Variants in VPS13A observed in about 807,000 individuals in gnomAD.
VPS13A encodes intermembrane lipid transfer protein VPS13A.
In VPS13A, 264 loss-of-function variants were observed where a neutral mutation model predicts 390.9. That is an observed-to-expected ratio of 0.68 (90% CI 0.61 to 0.75). VPS13A has a LOEUF of 0.75. VPS13A is among the 30% of genes least tolerant of loss of function. VPS13A has a pLI of 0.00. For synonymous variants in VPS13A, 1,231 were observed against 1,227.1 expected (o/e 1.00, Z -0.07); for missense variants, 3,409 against 3,733.9 (o/e 0.91, Z 2.27).
At chr9:77,407,702 GTTTT>G in intron 71 of VPS13A, 95 bp downstream of exon 71, 1 of 977,382 alleles carries the variant, frequency 1.0e-6, no homozygotes, top group Non-Finnish European at 1.6e-6. Context: ...TTGTTTGGGG[GTTTT>G]TGTTTGTTTG....
chr9:77,207,071 A>G (rs1162054550), intron 5 of VPS13A, among the ~76,000 whole-genome samples: 1 of 148,810 alleles, frequency 6.7e-6, no homozygotes, highest in African/African-American at 2.4e-5. Flanking sequence ...TTTTATCAAG[A>G]TAATATATAT....
At chr9:77,230,443 A>G (rs1274549804) in intron 17 of VPS13A, among the ~76,000 whole-genome samples, 1 of 152,036 alleles carries the variant, frequency 6.6e-6, no homozygotes, top group Non-Finnish European at 1.5e-5. Context: ...ATTCTTTTTC[A>G]TGAGATTATT....
At position 77,220,050 on chromosome 9, in the gene VPS13A, A is replaced by G. The variant is rs767046412; in HGVS notation, c.851A>G (p.His284Arg). The change falls in exon 11 of 72, where the codon CAT becomes CGT. Residue 284 changes from histidine (H) to arginine (R), a missense_variant. Physicochemically the swap from His to Arg is conservative, Grantham distance 29. Around this residue, in one of 5 missense-constraint regions of VPS13A, gnomAD observed 2,717 missense variants for 2,917.4 expected, o/e 0.93. Coordinates refer to ENST00000360280, the MANE Select transcript of VPS13A (RefSeq NM_033305.3). ...AAAATAAACTTGGAAATTGAGTTAC[A>G]TAACATAGCAATTGAATTTAATAAA... ...APKINLEIEL[H>R]NIAIEFNKPQ... The G allele has an allele frequency of 1.9e-6, 3 of 1,611,448 alleles. No homozygotes were observed. Among genetic ancestry groups the G allele is most frequent in the Non-Finnish European group, 2.5e-6 (3 of 1,177,878 alleles).
chr9:77,384,560 C>T (rs1178643080), intron 68 of VPS13A: 1 of 1,611,078 alleles, frequency 6.2e-7, no homozygotes, highest in Non-Finnish European at 8.5e-7. Context: ...CTTTGTGCTT[C>T]TTTTTTCCTT....
rs1411980001 is a variant in VPS13A, at chr9:77,411,445, C to T, written c.9474+3838C>T. On this transcript the variant is annotated intron_variant, in intron 71 of 71. Transcript: ENST00000360280. Reference sequence around the variant, plus strand: ...TTGGGAGGCCGAGGCAGGCGGATCACGAGGTCAGGAGATCGACACCATCCT... The same window carrying T: ...TTGGGAGGCCGAGGCAGGCGGATCATGAGGTCAGGAGATCGACACCATCCT... 2.0e-5 allele frequency among the ~76,000 whole-genome samples: 3 copies of T among 151,972 alleles called. No individual in the cohort carries two copies. In the South Asian group the frequency reaches 6.2e-4, roughly 32 times the overall value.
chr9:77,325,193 G>A (rs925426615), intron 45 of VPS13A, among the ~76,000 whole-genome samples: 2 of 152,138 alleles, frequency 1.3e-5, no homozygotes, highest in South Asian at 2.1e-4. Flanking sequence ...CGCAGTTCAC[G>A]CTCCTATGAG....
rs770222108 is a variant in VPS13A at position 77,405,870 on chromosome 9, A to C, written c.9282A>C (p.Val3094=). The change falls in exon 70 of 72, where the codon GTA becomes GTC. Residue 3094 remains valine (V), a synonymous_variant. Coordinates refer to ENST00000360280, the MANE Select transcript of VPS13A (RefSeq NM_033305.3). ...TDMLMITRRG[V]LFVTKGTFGQ... is the part of the protein sequence containing the mutation. Reference sequence around the variant, plus strand: ...TTTGTTTTTCTTTTTGCAGTGGTGTATTGTTTGTAACAAAGGGAACATTTG... The same window carrying C: ...TTTGTTTTTCTTTTTGCAGTGGTGTCTTGTTTGTAACAAAGGGAACATTTG... 1 of 1,613,536 alleles carries C rather than the reference A, an allele frequency of 6.2e-7. No individual in the cohort carries two copies. The highest frequency in any genetic ancestry group is 1.1e-5 in the South Asian group (1 of 91,084).
intron 70 of VPS13A, among the ~76,000 whole-genome samples, chr9:77,406,469 G>T (rs1272106296): frequency 6.6e-6 from 1 of 151,998 alleles, no homozygotes; most frequent in Admixed American, 6.6e-5. Flanking sequence ...GCCCAAGCTG[G>T]AGTGCAGTGG....
intron 66 of VPS13A, 42 bp downstream of exon 66, chr9:77,370,977 C>G: frequency 6.2e-7 from 1 of 1,614,080 alleles, no homozygotes; most frequent in Non-Finnish European, 8.5e-7. Context: ...TAAGTTGATT[C>G]TGTTTTCATT....
At chr9:77,178,934 A>C (rs1177725616) in intron 1 of VPS13A, among the ~76,000 whole-genome samples, 1 of 152,216 alleles carries the variant, frequency 6.6e-6, no homozygotes, top group Admixed American at 6.5e-5. Context: ...CAGGTAGTTT[A>C]GTTTGATTTT....
chr9:77,207,249 A>ATG (rs1825720912), intron 5 of VPS13A, among the ~76,000 whole-genome samples: 24 of 113,398 alleles, frequency 2.1e-4, no homozygotes, highest in East Asian at 1.2e-3. Context: ...ATATATATAT[A>ATG]TATAAAACGT....
chr9:77,191,058 T>C (rs1406520998), intron 1 of VPS13A, among the ~76,000 whole-genome samples: 1 of 152,064 alleles, frequency 6.6e-6, no homozygotes, highest in African/African-American at 2.4e-5. Flanking sequence ...TCAACTCTAA[T>C]TTTGGTTATT....
chr9:77,215,252 G>A (rs773431281), intron 10 of VPS13A, among the ~76,000 whole-genome samples: 2 of 152,200 alleles, frequency 1.3e-5, no homozygotes, highest in Non-Finnish European at 2.9e-5. Flanking sequence ...ATTAACCATA[G>A]AATATCCTTC....
chr9:77,354,871 C>G (rs537708657), intron 54 of VPS13A, among the ~76,000 whole-genome samples: 1 of 152,282 alleles, frequency 6.6e-6, no homozygotes, highest in Non-Finnish European at 1.5e-5. Flanking sequence ...ATACTCTCAA[C>G]AGTTTACAGT....
At chr9:77,249,986 C>G (rs1825063969) in intron 20 of VPS13A, 111 bp from the exon 21 acceptor site, 1 of 1,214,940 alleles carries the variant, frequency 8.2e-7, no homozygotes, top group African/African-American at 1.5e-5. Flanking sequence ...TGTATGCTTA[C>G]TTGTGAATTT....
In VPS13A at chr9:77,247,355, C is replaced by G; in HGVS notation, c.1997C>G (p.Pro666Arg). Residue 666 changes from proline to arginine, a missense_variant, in exon 20 of 72, where the codon CCT becomes CGT. Physicochemically the swap from Pro to Arg is moderately radical, Grantham distance 103. Transcript: ENST00000360280. ...IIVPQDGIFS[P>R]TSNLLLLDLG... is the part of the protein sequence containing the mutation. ...GTCCCACAAGATGGAATTTTTAGTCCTACATCAAATCTGCTTCTTTTGGAC... is the reference window on the plus strand; with the variant it reads ...GTCCCACAAGATGGAATTTTTAGTCGTACATCAAATCTGCTTCTTTTGGAC... The G allele has an allele frequency of 6.2e-7, 1 of 1,612,184 alleles. No homozygotes were observed. Among genetic ancestry groups the G allele is most frequent in the Non-Finnish European group, 8.5e-7 (1 of 1,179,162 alleles).
At chr9:77,266,825 C>T (rs1454244111) in intron 23 of VPS13A, among the ~76,000 whole-genome samples, 4 of 152,134 alleles carry the variant, frequency 2.6e-5, no homozygotes, top group South Asian at 2.1e-4. Context: ...GGTCTTTGCA[C>T]ATAGTCCCAT....
chr9:77,343,730 G>A (rs137869944), intron 50 of VPS13A, among the ~76,000 whole-genome samples: 162 of 152,156 alleles, frequency 1.1e-3, no homozygotes, highest in African/African-American at 3.7e-3. Context: ...CTTGTTTTGC[G>A]TACTTTGATT....
chr9:77,213,769 G>A (rs899370572), intron 9 of VPS13A, among the ~76,000 whole-genome samples: 2 of 152,020 alleles, frequency 1.3e-5, no homozygotes, highest in Non-Finnish European at 2.9e-5. Context: ...CTTCCAAAGT[G>A]TTGGGATTAC....
Sources: allele counts gnomAD v4.1 joint callset (sites outside exome capture counted in the v4.1 genomes callset), GRCh38; gene constraint gnomAD v4.1.1; regional missense constraint gnomAD v4.1.1; transcripts MANE v1.5; gene names NCBI Gene and HGNC (gene_info 2026-07-23, HGNC 2026-07-21).